CAAP1: variants seen among roughly 807,000 people sequenced by gnomAD.
The protein encoded by CAAP1 is conserved anti-apoptotic protein.
A neutral mutation model predicts 34.0 loss-of-function variants in CAAP1; 20 were observed. The observed-to-expected ratio is 0.59, with a 90% confidence interval of 0.41 to 0.86. CAAP1 has a LOEUF of 0.86. Among genes scored for constraint, CAAP1 ranks in the 40% least tolerant of loss-of-function variants. CAAP1 has a pLI of 0.00. For synonymous variants in CAAP1, 213 were observed against 166.7 expected (o/e 1.28, Z -2.14); for missense variants, 538 against 450.5 (o/e 1.19, Z -1.76).
intron 3 of CAAP1, 67 bp from the exon 4 acceptor site, chr9:26,884,952 T>C (rs1387236182): frequency 7.0e-5 from 81 of 1,164,770 alleles, no homozygotes; most frequent in Non-Finnish European, 9.9e-5. Context: ...ATCATGACAT[T>C]AAAAAGTATA....
chr9:26,862,603 A>G (rs533451349), intron 4 of CAAP1, among the ~76,000 whole-genome samples: 120 of 152,250 alleles, frequency 7.9e-4, no homozygotes, highest in African/African-American at 2.9e-3. Context: ...AGGAAAGTTG[A>G]ATGTCATTGT....
At chr9:26,885,328 G>A (rs1308396549) in intron 3 of CAAP1, among the ~76,000 whole-genome samples, 1 of 152,092 alleles carries the variant, frequency 6.6e-6, no homozygotes, top group African/African-American at 2.4e-5. Context: ...GCCCGCCTCA[G>A]CCTCCCAAAG....
chr9:26,889,776 G>A (rs1322637159), intron 1 of CAAP1, among the ~76,000 whole-genome samples: 2 of 148,026 alleles, frequency 1.4e-5, no homozygotes, highest in East Asian at 2.1e-4. Flanking sequence ...GCTGAGGCAG[G>A]AGAATGGCGT....
Position 26,892,707 on chromosome 9 carries a change from C to T in CAAP1, c.9G>A (p.Gly3=), listed in dbSNP as rs947411094. 6.3e-6 allele frequency: 10 copies of T among 1,595,430 alleles called. No homozygotes were observed. Among genetic ancestry groups the T allele is most frequent in the Non-Finnish European group, 8.5e-6 (10 of 1,175,254 alleles). ...GCCGTTTCTCCCGGGAGGACTTTTT[C>T]CCCGTCATGATCCCTCTGCTGCAAC... MT[G]KKSSREKRRK... is the part of the protein sequence containing the mutation. Residue 3 remains glycine, a synonymous_variant, in exon 1 of 6, where the codon GGG becomes GGA. Transcript: ENST00000333916.
intron 5 of CAAP1, among the ~76,000 whole-genome samples, chr9:26,859,084 A>G (rs1822945593): frequency 6.6e-6 from 1 of 152,068 alleles, no homozygotes; most frequent in African/African-American, 2.4e-5. Context: ...GTATTGTACA[A>G]TGGTACTGCT....
At chr9:26,854,104 G>C (rs905475883) in intron 5 of CAAP1, among the ~76,000 whole-genome samples, 2 of 152,140 alleles carry the variant, frequency 1.3e-5, no homozygotes, top group African/African-American at 2.4e-5. Flanking sequence ...ATTAGAAACT[G>C]CCAGGTTGAT....
chr9:26,847,416 G>A (rs996054784), intron 5 of CAAP1, among the ~76,000 whole-genome samples: 2 of 151,312 alleles, frequency 1.3e-5, no homozygotes, highest in African/African-American at 2.4e-5. Flanking sequence ...GGGTTTCACC[G>A]TGTTAGCCAG....
At chr9:26,877,549 C>T (rs1012312810) in intron 4 of CAAP1, among the ~76,000 whole-genome samples, 6 of 152,130 alleles carry the variant, frequency 3.9e-5, no homozygotes, top group African/African-American at 1.4e-4. Context: ...TGAATGGTAT[C>T]TTGACCAAGT....
chr9:26,859,912 T>A (rs1009709027), intron 5 of CAAP1, among the ~76,000 whole-genome samples: 1 of 152,204 alleles, frequency 6.6e-6, no homozygotes, highest in African/African-American at 2.4e-5. Flanking sequence ...ACATATAAAT[T>A]GAACAAATCA....
chr9:26,866,837 C>G (rs1177923590), intron 4 of CAAP1, among the ~76,000 whole-genome samples: 1 of 152,126 alleles, frequency 6.6e-6, no homozygotes, highest in Non-Finnish European at 1.5e-5. Flanking sequence ...AGCCCAAAAT[C>G]ACTACAAATT....
intron 5 of CAAP1, among the ~76,000 whole-genome samples, chr9:26,853,400 T>C (rs1332256591): frequency 1.3e-5 from 2 of 152,208 alleles, no homozygotes; most frequent in Non-Finnish European, 2.9e-5. Context: ...AAAATGCTTA[T>C]TGGACATTTA....
In CAAP1 at chr9:26,873,378, G is replaced by C. The variant is rs191687459; in HGVS notation, c.665+11432C>G. ...AGGAAAATGCAGCACCATTTTCACT[G>C]GTATCTCCCTCAAAATCACTCAATA... On this transcript the variant is annotated intron_variant, in intron 4 of 5. Coordinates refer to ENST00000333916, the MANE Select transcript of CAAP1 (RefSeq NM_024828.4). Among the ~76,000 whole-genome samples, 219 of 152,200 alleles carry C rather than the reference G, an allele frequency of 1.4e-3. 2 individuals carry two copies. Among genetic ancestry groups the C allele is most frequent in the African/African-American group, 4.9e-3 (204 of 41,532 alleles).
rs1165677155 is a variant in CAAP1, at chr9:26,884,874, T to C, written c.601A>G (p.Met201Val). The C allele has an allele frequency of 1.2e-6, 2 of 1,606,752 alleles. No individual in the cohort carries two copies. Among genetic ancestry groups the C allele is most frequent in the East Asian group, 2.2e-5 (1 of 44,734 alleles). ...ILKILEGDNGMDSDMEEEADD... is the reference protein window; with the variant it reads ...ILKILEGDNGVDSDMEEEADD... ...GCTTCCTCTTCCATATCAGAGTCCATTCCATTGTCACCTTATAAATGAAAG... is the reference window on the plus strand; with the variant it reads ...GCTTCCTCTTCCATATCAGAGTCCACTCCATTGTCACCTTATAAATGAAAG... Residue 201 changes from methionine to valine, a missense_variant, in exon 4 of 6, where the codon ATG becomes GTG. Coordinates refer to ENST00000333916, the MANE Select transcript of CAAP1 (RefSeq NM_024828.4).
At position 26,890,908 on chromosome 9, in the gene CAAP1, G is replaced by A. The variant is rs1823887145; in HGVS notation, c.303+1505C>T. On this transcript the variant is annotated intron_variant, in intron 1 of 5. Transcript: ENST00000333916. ...TGCAGTGAGCCGGGATCACGCCACT[G>A]CACTCCGGCCTGGGCAACAGAGCGA... Among the ~76,000 whole-genome samples the A allele has an allele frequency of 2.0e-5, 3 of 152,046 alleles. No homozygotes were observed. In the South Asian group the frequency reaches 6.2e-4, roughly 32 times the overall value.
chr9:26,869,785 C>T, intron 4 of CAAP1: 1 of 202,244 alleles, frequency 4.9e-6, no homozygotes, highest in Non-Finnish European at 8.8e-6. Flanking sequence ...TATTAACAAC[C>T]AATTTAGGAC....
chr9:26,857,107 A>G (rs1415025648), intron 5 of CAAP1, among the ~76,000 whole-genome samples: 1 of 152,218 alleles, frequency 6.6e-6, no homozygotes, highest in Non-Finnish European at 1.5e-5. Context: ...TTTTAACTAG[A>G]GCACAACTGA....
intron 5 of CAAP1, among the ~76,000 whole-genome samples, chr9:26,856,002 T>C (rs981379872): frequency 2.0e-5 from 3 of 152,150 alleles, no homozygotes; most frequent in African/African-American, 4.8e-5. Flanking sequence ...GAAATCTTTG[T>C]GGTGCAATCA....
chr9:26,866,982 T>C (rs537919993), intron 4 of CAAP1, among the ~76,000 whole-genome samples: 11 of 151,908 alleles, frequency 7.2e-5, no homozygotes, highest in Non-Finnish European at 7.4e-5. Context: ...AGGTGAGCGG[T>C]GGTGGGCAAG....
At chr9:26,890,728 G>A (rs896704038) in intron 1 of CAAP1, among the ~76,000 whole-genome samples, 3 of 152,110 alleles carry the variant, frequency 2.0e-5, no homozygotes, top group African/African-American at 7.2e-5. Context: ...GGTGGATCAC[G>A]AGGTCAGGAG....
Sources: allele counts gnomAD v4.1 joint callset (sites outside exome capture counted in the v4.1 genomes callset), GRCh38; gene constraint gnomAD v4.1.1; transcripts MANE v1.5; gene names NCBI Gene and HGNC (gene_info 2026-07-23, HGNC 2026-07-21).